The following COL14A1 variants were observed in gnomAD, a reference collection of about 807,000 sequenced individuals.
The protein encoded by COL14A1 is collagen alpha-1(XIV) chain.
COL14A1 carries 136 observed loss-of-function variants against 230.3 expected under a neutral mutation model. That is an observed-to-expected ratio of 0.59 (90% CI 0.51 to 0.68). The LOEUF is 0.68. Ranked by LOEUF, COL14A1 falls within the 30% of genes least tolerant of loss-of-function variation. The pLI, the probability that COL14A1 is intolerant of heterozygous loss-of-function variation, is 0.00. For synonymous variants in COL14A1, 792 were observed against 784.1 expected (o/e 1.01, Z -0.17); for missense variants, 1,976 against 2,215.8 (o/e 0.89, Z 2.17).
chr8:120,134,172 A>AC (rs1814636113), intron 1 of COL14A1, among the ~76,000 whole-genome samples: 1 of 152,076 alleles, frequency 6.6e-6, no homozygotes, highest in South Asian at 2.1e-4. Context: ...AGGTCGATCT[A>AC]CCTAAATTGG....
chr8:120,166,801 C>T (rs949289177), intron 4 of COL14A1, among the ~76,000 whole-genome samples: 10 of 150,760 alleles, frequency 6.6e-5, no homozygotes, highest in South Asian at 2.1e-4. Context: ...CCAAAGAATG[C>T]GAATGAAACG....
rs1276397359 is a variant in COL14A1 at position 120,350,285 on chromosome 8, C to T, written c.5077+4722C>T. 2.0e-5 allele frequency among the ~76,000 whole-genome samples: 3 copies of T among 151,016 alleles called. No individual in the cohort carries two copies. The South Asian group carries it at 6.3e-4, about 32-fold the overall frequency. ...CGGTACCAGCCGCTGCAAAATCATG[C>T]CAAAATGTAAAGACCATCAAGACTA... On this transcript the variant is annotated intron_variant, in intron 45 of 47. Coordinates refer to ENST00000297848, the MANE Select transcript of COL14A1 (RefSeq NM_021110.4).
At chr8:120,157,992 A>C (rs1389988803) in intron 2 of COL14A1, 138 bp from the exon 3 acceptor site, 1 of 504,034 alleles carries the variant, frequency 2.0e-6, no homozygotes, top group African/African-American at 2.0e-5. Flanking sequence ...CTCAAAAAGC[A>C]TATGTATATA....
intron 47 of COL14A1, chr8:120,370,506 G>A: frequency 6.7e-7 from 1 of 1,493,638 alleles, no homozygotes; most frequent in Non-Finnish European, 8.9e-7. Flanking sequence ...CTGCATCCCT[G>A]CCTTCCCACT....
intron 42 of COL14A1, among the ~76,000 whole-genome samples, chr8:120,334,585 A>AACACACAC (rs3054171): frequency 0.11 from 15,393 of 144,588 alleles, 871 homozygotes; most frequent in Non-Finnish European, 0.14. Context: ...CACACACAAA[A>AACACACAC]ACACACACAC....
Position 120,338,007 on chromosome 8 carries a change from A to G in COL14A1, c.4786-3318A>G, listed in dbSNP as rs57164364. Among the ~76,000 whole-genome samples the G allele has an allele frequency of 3.2e-3, 494 of 152,346 alleles. 2 individuals are homozygous for G. Among genetic ancestry groups the G allele is most frequent in the African/African-American group, 0.011 (476 of 41,570 alleles). On this transcript the variant is annotated intron_variant, in intron 42 of 47. Transcript: ENST00000297848. ...CCCAATTAAACACATCCGTCCCTAC[A>G]TACCAAAAGGTGCCAACAGCTGATG... is the stretch of plus-strand genomic sequence containing the variant.
In COL14A1 at chr8:120,314,039, T is replaced by G; in HGVS notation, c.4551+12T>G. ...TTCAAGGAATGCCCGTGAGTTGTGT[T>G]CAAACATTCAGACGGGTTTTATTGT... is the stretch of plus-strand genomic sequence containing the variant. On this transcript the variant is annotated intron_variant, in intron 38 of 47. Coordinates refer to ENST00000297848, the MANE Select transcript of COL14A1 (RefSeq NM_021110.4). The G allele has an allele frequency of 6.4e-7, 1 of 1,568,758 alleles. No individual in the cohort carries two copies. The highest frequency in any genetic ancestry group is 1.8e-5 in the Admixed American group (1 of 56,510).
chr8:120,202,785 A>G (rs1254689608), intron 8 of COL14A1, among the ~76,000 whole-genome samples: 1 of 151,730 alleles, frequency 6.6e-6, no homozygotes, highest in Non-Finnish European at 1.5e-5. Flanking sequence ...TTTCTGTCCT[A>G]TTCTATTCCC....
intron 5 of COL14A1, among the ~76,000 whole-genome samples, chr8:120,193,879 C>A (rs148002778): frequency 6.6e-6 from 1 of 152,296 alleles, no homozygotes; most frequent in East Asian, 1.9e-4. Flanking sequence ...TCTCCTGTAG[C>A]ACCGTTTTTT....
intron 42 of COL14A1, among the ~76,000 whole-genome samples, chr8:120,335,294 T>G (rs1822017476): frequency 6.6e-6 from 1 of 152,158 alleles, no homozygotes. Context: ...AATAAAACAC[T>G]TGTTCATAAT....
chr8:120,152,469 CAAAAAAAAAAAA>C (rs397891260), intron 2 of COL14A1, among the ~76,000 whole-genome samples: 9 of 59,596 alleles, frequency 1.5e-4, no homozygotes, highest in African/African-American at 6.7e-4. Context: ...GATTCCATCT[CAAAAAAAAAAAA>C]AAAAAAAAAA....
At position 120,278,468 on chromosome 8, in the gene COL14A1, T is replaced by C; in HGVS notation, c.3371T>C (p.Phe1124Ser). 1 of 1,613,086 alleles carries C rather than the reference T, an allele frequency of 6.2e-7. No homozygotes were observed. The highest frequency in any genetic ancestry group is 1.7e-4 in the Middle Eastern group (1 of 6,046). ...ATTAAGTATGTTCGAGATACCTTGT[T>C]CACTGCAGAGTCAGGTACAAGAAGG... ...KAIKYVRDTL[F>S]TAESGTRRGI... The change falls in exon 28 of 48, where the codon TTC becomes TCC. Residue 1124 changes from phenylalanine to serine, a missense_variant. Physicochemically the swap from Phe to Ser is radical, Grantham distance 155 (BLOSUM62 -2). Transcript: ENST00000297848.
intron 2 of COL14A1, among the ~76,000 whole-genome samples, chr8:120,153,653 A>T (rs1353174225): frequency 6.6e-6 from 1 of 152,252 alleles, no homozygotes; most frequent in Non-Finnish European, 1.5e-5. Flanking sequence ...TTCATGCTGC[A>T]TTATCTTTAT....
intron 1 of COL14A1, among the ~76,000 whole-genome samples, chr8:120,134,133 T>C (rs2130394685): frequency 6.6e-6 from 1 of 152,170 alleles, no homozygotes; most frequent in African/African-American, 2.4e-5. Flanking sequence ...TATTCTTTTT[T>C]GATGTAAAGA....
chr8:120,238,200 C>T lies in COL14A1; in HGVS notation c.2350-5679C>T, dbSNP rs192177378. Among the ~76,000 whole-genome samples the T allele has an allele frequency of 3.3e-4, 50 of 152,296 alleles. No individual in the cohort carries two copies. The East Asian group carries it at 7.7e-3, about 24-fold the overall frequency. On this transcript the variant is annotated intron_variant, in intron 19 of 47. Transcript: ENST00000297848. ...GGAATGTTTAAGTCTGCTGAAGCTG[C>T]GCCCACAGCCACCCCTTCCCCCAGG...
intron 18 of COL14A1, among the ~76,000 whole-genome samples, chr8:120,230,548 G>A (rs568309142): frequency 3.3e-5 from 5 of 151,722 alleles, no homozygotes; most frequent in South Asian, 4.2e-4. Context: ...TGCTTCCCCC[G>A]TTTTTCTCTT....
At chr8:120,159,841 G>A (rs151111728) in intron 3 of COL14A1, among the ~76,000 whole-genome samples, 3,172 of 152,050 alleles carry the variant, frequency 0.021, 37 homozygotes, top group African/African-American at 0.025. Context: ...ACAGGTGCCC[G>A]CCACCATGCC....
At position 120,259,532 on chromosome 8, in the gene COL14A1, A is replaced by G. The variant is rs1473925727; in HGVS notation, c.2870-3336A>G. On this transcript the variant is annotated intron_variant, in intron 23 of 47. Transcript: ENST00000297848. Reference sequence around the variant, plus strand: ...GCCTGAATTGCACATGCCAAAAGCAACATGGATACACCCCCATTCATGGAA... The same window carrying G: ...GCCTGAATTGCACATGCCAAAAGCAGCATGGATACACCCCCATTCATGGAA... Among the ~76,000 whole-genome samples the G allele has an allele frequency of 2.0e-5, 3 of 152,328 alleles. No homozygotes were observed. In the East Asian group the frequency reaches 5.8e-4, roughly 29 times the overall value.
chr8:120,300,626 C>T (rs1288634369), intron 35 of COL14A1, 106 bp from the exon 36 acceptor site: 3 of 867,024 alleles, frequency 3.5e-6, no homozygotes, highest in African/African-American at 3.4e-5. Context: ...CTAATGTGCA[C>T]TTGAAAATCT....
Sources: allele counts gnomAD v4.1 joint callset (sites outside exome capture counted in the v4.1 genomes callset), GRCh38; gene constraint gnomAD v4.1.1; transcripts MANE v1.5; gene names NCBI Gene and HGNC (gene_info 2026-07-23, HGNC 2026-07-21).